Variants in PPP1R2 observed in about 807,000 individuals in gnomAD.
PPP1R2 encodes the protein protein phosphatase inhibitor 2.
PPP1R2 carries 16 observed loss-of-function variants against 29.9 expected under a neutral mutation model. The observed-to-expected ratio is 0.53, with a 90% CI of 0.36 to 0.81. The LOEUF (loss-of-function observed/expected upper bound fraction) is 0.81. Ranked by LOEUF, PPP1R2 falls within the 30% of genes least tolerant of loss-of-function variation. The pLI, the probability that PPP1R2 is intolerant of heterozygous loss-of-function variation, is 0.00. For missense variants in PPP1R2, 197 were observed against 252.7 expected (o/e 0.78, Z 1.49); for synonymous variants, 76 against 91.5 (o/e 0.83, Z 0.96).
intron 2 of PPP1R2, among the ~76,000 whole-genome samples, chr3:195,525,550 T>C (rs1648241276): frequency 2.6e-5 from 4 of 152,240 alleles, no homozygotes; most frequent in South Asian, 2.1e-4. Context: ...AATCACTGTC[T>C]GGTTTTAGAA....
chr3:195,533,433 G>A lies in PPP1R2; in HGVS notation c.123-3532C>T, dbSNP rs532457410. On this transcript the variant is annotated intron_variant, in intron 1 of 5. Coordinates refer to ENST00000618156, the MANE Select transcript of PPP1R2 (RefSeq NM_006241.8). ...AGTAAATTGCCTGTTGCAATAAAAA[G>A]TGATCTGTCTTGGTTTTTGAGTATT... 1.4e-4 allele frequency among the ~76,000 whole-genome samples: 22 copies of A among 151,794 alleles called. No homozygotes were observed. In the South Asian group the frequency reaches 4.6e-3, roughly 32 times the overall value.
In PPP1R2 at chr3:195,519,196, C is replaced by A. The variant is rs1472678705; in HGVS notation, c.404-11G>T. Reference sequence around the variant, plus strand: ...ATTGTCGCTTTTTTTCTATAAGATGCAAAATGTAAACTTAGGAAGTTTGAG... The same window carrying A: ...ATTGTCGCTTTTTTTCTATAAGATGAAAAATGTAAACTTAGGAAGTTTGAG... On this transcript the variant is annotated splice_polypyrimidine_tract_variant and intron_variant, in intron 4 of 5. Transcript: ENST00000618156. The A allele has an allele frequency of 6.3e-7, 1 of 1,584,146 alleles. No individual in the cohort carries two copies. Among genetic ancestry groups the A allele is most frequent in the Non-Finnish European group, 8.6e-7 (1 of 1,164,588 alleles).
At chr3:195,536,428 T>C (rs143054254) in intron 1 of PPP1R2, among the ~76,000 whole-genome samples, 1 of 152,250 alleles carries the variant, frequency 6.6e-6, no homozygotes, top group African/African-American at 2.4e-5. Context: ...TATATTACAC[T>C]GTAATAAAAT....
At chr3:195,528,867 C>G (rs1560438796) in intron 2 of PPP1R2, 2 of 134,172 alleles carry the variant, frequency 1.5e-5, no homozygotes, top group Non-Finnish European at 1.6e-5. Context: ...AAGGTATTAT[C>G]TTTTTTTTTT....
intron 1 of PPP1R2, among the ~76,000 whole-genome samples, chr3:195,530,168 T>C (rs906746059): frequency 6.6e-6 from 1 of 152,216 alleles, no homozygotes; most frequent in Non-Finnish European, 1.5e-5. Context: ...AACATTACCA[T>C]ACTATGACAT....
chr3:195,525,953 G>A (rs1324167775), intron 2 of PPP1R2, among the ~76,000 whole-genome samples: 1 of 151,874 alleles, frequency 6.6e-6, no homozygotes, highest in East Asian at 1.9e-4. Flanking sequence ...TTATAGAATC[G>A]TTCTATAGAA....
In PPP1R2 at chr3:195,542,912, C is replaced by A; in HGVS notation, c.114G>T (p.Glu38Asp). 1 of 1,602,652 alleles carries A rather than the reference C, an allele frequency of 6.2e-7. No individual in the cohort carries two copies. Among genetic ancestry groups the A allele is most frequent in the Non-Finnish European group, 8.5e-7 (1 of 1,174,744 alleles). The change falls in exon 1 of 6, where the codon GAG (glutamate) becomes GAT (aspartate). Residue 38 changes from glutamate to aspartate, a missense_variant. By Grantham distance (45) the Glu-to-Asp change is conservative. Transcript: ENST00000618156. ...SAEQPRGNVD[E>D]ELSKKSQKWD... ...TCCCTCCCAGCGCTCACCTCAGCTC[C>A]TCGTCGACATTCCCGCGGGGCTGTT... is the stretch of plus-strand genomic sequence containing the variant.
chr3:195,541,478 T>A (rs1409991447), intron 1 of PPP1R2, among the ~76,000 whole-genome samples: 1 of 94,508 alleles, frequency 1.1e-5, no homozygotes, highest in African/African-American at 4.1e-5. Flanking sequence ...TTTTTTTTTT[T>A]AAGAGATGAG....
rs1452961252 is a variant in PPP1R2, at chr3:195,534,732, C to T, written c.123-4831G>A. On this transcript the variant is annotated intron_variant, in intron 1 of 5. Transcript: ENST00000618156. ...AAAGAGAGATAGGGCATTACTCCAT[C>T]GCCCAGGCTGGAGTGCAGTGGCACA... Among the ~76,000 whole-genome samples, 6 of 152,156 alleles carry T rather than the reference C, an allele frequency of 3.9e-5. No individual in the cohort carries two copies. The East Asian group carries it at 9.6e-4, about 24-fold the overall frequency.
At chr3:195,531,164 A>T (rs1379986155) in intron 1 of PPP1R2, among the ~76,000 whole-genome samples, 1 of 152,216 alleles carries the variant, frequency 6.6e-6, no homozygotes, top group Non-Finnish European at 1.5e-5. Flanking sequence ...CATGCAATGA[A>T]GTATTTGCAC....
At chr3:195,524,502 A>G (rs1718887512) in intron 3 of PPP1R2, among the ~76,000 whole-genome samples, 1 of 152,148 alleles carries the variant, frequency 6.6e-6, no homozygotes, top group Non-Finnish European at 1.5e-5. Context: ...TCCACCCTGA[A>G]TGACAGAGCG....
chr3:195,540,189 G>A (rs1171811417), intron 1 of PPP1R2, among the ~76,000 whole-genome samples: 1 of 152,202 alleles, frequency 6.6e-6, no homozygotes, highest in Non-Finnish European at 1.5e-5. Flanking sequence ...CACAGAGCAG[G>A]GCAGATTCTG....
chr3:195,542,886 G>A lies in PPP1R2; in HGVS notation c.122+18C>T, dbSNP rs755179994. 3.1e-6 allele frequency: 5 copies of A among 1,589,848 alleles called. No homozygotes were observed. The highest frequency in any genetic ancestry group is 3.5e-5 in the Admixed American group (2 of 57,498). ...GGCGGGAAGGAGGGGCTCCCAGGCC[G>A]TCCCTCCCAGCGCTCACCTCAGCTC... On this transcript the variant is annotated intron_variant, in intron 1 of 5. Coordinates refer to ENST00000618156, the MANE Select transcript of PPP1R2 (RefSeq NM_006241.8).
At chr3:195,523,970 C>A (rs913314710) in intron 3 of PPP1R2, among the ~76,000 whole-genome samples, 184 bp from the exon 4 acceptor site, 1 of 151,906 alleles carries the variant, frequency 6.6e-6, no homozygotes, top group Non-Finnish European at 1.5e-5. Flanking sequence ...CGCCTGTGGT[C>A]CTAGCTATTT....
At chr3:195,521,129 C>A (rs1387599549) in intron 4 of PPP1R2, among the ~76,000 whole-genome samples, 1 of 151,826 alleles carries the variant, frequency 6.6e-6, no homozygotes. Flanking sequence ...TCCTGGCTAA[C>A]ATGGTGAAAC....
intron 1 of PPP1R2, among the ~76,000 whole-genome samples, chr3:195,537,503 G>GTGT (rs1212807585): frequency 8.0e-5 from 12 of 150,364 alleles, no homozygotes; most frequent in African/African-American, 2.5e-4. Context: ...GTGTGTGTGT[G>GTGT]TGTGTGTGTG....
chr3:195,524,132 G>C (rs1379901218), intron 3 of PPP1R2, among the ~76,000 whole-genome samples: 1 of 151,776 alleles, frequency 6.6e-6, no homozygotes, highest in African/African-American at 2.4e-5. Context: ...GCATAGACAA[G>C]AACAGTGGAA....
chr3:195,518,517 G>A (rs1382086292), intron 5 of PPP1R2, among the ~76,000 whole-genome samples: 2 of 152,062 alleles, frequency 1.3e-5, no homozygotes, highest in Non-Finnish European at 2.9e-5. Flanking sequence ...CAGGCGTGGT[G>A]GCAGGCGCCT....
At chr3:195,535,668 A>C (rs1287667782) in intron 1 of PPP1R2, among the ~76,000 whole-genome samples, 2 of 152,208 alleles carry the variant, frequency 1.3e-5, no homozygotes, top group African/African-American at 4.8e-5. Context: ...ATACGGAAGA[A>C]TATGTAGAAG....
Sources: gnomAD v4.1 joint callset for allele counts (sites outside exome capture counted in the v4.1 genomes callset) on GRCh38, gnomAD v4.1.1 for gene constraint, MANE v1.5 for transcripts, NCBI Gene and HGNC (gene_info 2026-07-23, HGNC 2026-07-21) for gene names.